TENM1: variants seen among roughly 807,000 people sequenced by gnomAD.
The protein encoded by TENM1 is teneurin transmembrane protein 1, also known as teneurin-1.
Under a neutral mutation model 174.8 loss-of-function variants are expected in TENM1, and 35 were observed. The observed-to-expected ratio is 0.20, with a 90% CI of 0.15 to 0.27. The LOEUF (loss-of-function observed/expected upper bound fraction) is 0.27. Among genes scored for constraint, TENM1 ranks in the 10% least tolerant of loss-of-function variants. The pLI, the probability that TENM1 is intolerant of heterozygous loss-of-function variation, is 1.00. For missense variants in TENM1, 1,633 were observed against 2,130.1 expected (o/e 0.77, Z 4.59); for synonymous variants, 781 against 798.7 (o/e 0.98, Z 0.37).
At chrX:124,436,240 A>G (rs2060834639) in intron 23 of TENM1, among the ~76,000 whole-genome samples, 1 of 111,378 alleles carries the variant, frequency 9.0e-6, no homozygotes, top group Admixed American at 9.5e-5. Context: ...GGGACTCGGC[A>G]ATCTACATTT....
exon 11 of TENM1, chrX:124,641,944 C>T (rs1269426491): frequency 3.4e-5 from 41 of 1,209,913 alleles, no homozygotes; most frequent in Non-Finnish European, 4.5e-5. Context: ...TGACATTCTC[C>T]TTTTACACAG....
chrX:124,997,000 C>T, the TENM1 span, among the ~76,000 whole-genome samples: 3 of 111,286 alleles, frequency 2.7e-5, no homozygotes, highest in East Asian at 2.8e-4. Flanking sequence ...CTTTAAAAGA[C>T]GGTGAAGACA....
intron 1 of TENM1, among the ~76,000 whole-genome samples, chrX:124,944,000 T>C (rs1453771286): frequency 8.9e-6 from 1 of 111,811 alleles, no homozygotes; most frequent in Non-Finnish European, 1.9e-5. Flanking sequence ...CAGTAAATGA[T>C]TGATCATTAC....
intron 22 of TENM1, among the ~76,000 whole-genome samples, chrX:124,460,407 A>G (rs1406115908): frequency 9.0e-6 from 1 of 111,487 alleles, no homozygotes; most frequent in Non-Finnish European, 1.9e-5. Flanking sequence ...CATAAAAAGG[A>G]ATGAGATCAT....
chrX:125,044,669 A>C, the TENM1 span, among the ~76,000 whole-genome samples: 1 of 111,204 alleles, frequency 9.0e-6, no homozygotes, highest in Non-Finnish European at 1.9e-5. Context: ...CAGAGACTAT[A>C]AATTCCAGGT....
intron 3 of TENM1, among the ~76,000 whole-genome samples, chrX:124,819,745 A>G (rs752859989): frequency 9.0e-6 from 1 of 110,958 alleles, no homozygotes; most frequent in South Asian, 3.9e-4. Flanking sequence ...AATTAATCTG[A>G]ATGATACTGG....
chrX:125,018,395 T>C, the TENM1 span, among the ~76,000 whole-genome samples: 1 of 111,654 alleles, frequency 9.0e-6, no homozygotes, highest in African/African-American at 3.3e-5. Context: ...ATGTTTTTTA[T>C]ACTATGTTGA....
chrX:124,471,037 C>A lies in TENM1; in HGVS notation c.3949+10695G>T, dbSNP rs185290916. Among the ~76,000 whole-genome samples the A allele has an allele frequency of 4.3e-3, 427 of 99,511 alleles. 2 individuals carry two copies. Among genetic ancestry groups the A allele is most frequent in the African/African-American group, 0.015 (401 of 27,299 alleles). 86.4% of individuals were successfully genotyped at this position (99,511 alleles called of 115,157 possible). ...AAGAGAAGAAAAGTCACTTATAATT[C>A]CTTATGCCCTTATATAGCAATTATC... On this transcript the variant is annotated intron_variant, in intron 22 of 31. Transcript: ENST00000422452.
At position 124,413,117 on chromosome X, in the gene TENM1, T is replaced by A. The variant is rs1011354502; in HGVS notation, c.4983-6628A>T. On this transcript the variant is annotated intron_variant, in intron 25 of 31. Transcript: ENST00000422452. The stretch of plus-strand genomic sequence containing the variant: ...TATACAATAAAGAAGCATAGACAGT[T>A]TTTCAAGGGGATAAAAGGATGATCC... 6.3e-5 allele frequency among the ~76,000 whole-genome samples: 7 copies of A among 111,512 alleles called. No individual in the cohort carries two copies. In the Admixed American group the frequency reaches 6.6e-4, roughly 11 times the overall value.
the TENM1 span, among the ~76,000 whole-genome samples, chrX:125,024,654 T>TAC: frequency 9.0e-6 from 1 of 111,374 alleles, no homozygotes; most frequent in Non-Finnish European, 1.9e-5. Context: ...GGGTACAGTG[T>TAC]ACACTATTCA....
the TENM1 span, among the ~76,000 whole-genome samples, chrX:125,003,876 G>A: frequency 9.0e-6 from 1 of 111,455 alleles, no homozygotes; most frequent in East Asian, 2.8e-4. Context: ...AGTGGGTCGG[G>A]CCATTGTGAC....
At chrX:124,787,112 C>T (rs1016014188) in intron 3 of TENM1, among the ~76,000 whole-genome samples, 3 of 111,464 alleles carry the variant, frequency 2.7e-5, no homozygotes, top group Non-Finnish European at 5.7e-5. Flanking sequence ...CAACACAACT[C>T]TCAAAGTATT....
exon 25 of TENM1, chrX:124,420,595 C>T: frequency 1.6e-6 from 2 of 1,212,142 alleles, no homozygotes; most frequent in South Asian, 1.8e-5. Context: ...CCCTTGTTAT[C>T]AAGTTCAGGG....
chrX:125,051,849 C>G, the TENM1 span, among the ~76,000 whole-genome samples: 3 of 104,551 alleles, frequency 2.9e-5, no homozygotes, highest in Admixed American at 1.0e-4. Context: ...CAAATGGGAT[C>G]TAATTAAACT....
chrX:124,738,945 T>C (rs2148555111), intron 3 of TENM1, among the ~76,000 whole-genome samples: 1 of 112,568 alleles, frequency 8.9e-6, no homozygotes, highest in African/African-American at 3.2e-5. Flanking sequence ...CAGATCTCTG[T>C]AATATGAGTT....
chrX:124,739,967 T>G (rs2053762734), intron 3 of TENM1, among the ~76,000 whole-genome samples: 2 of 111,578 alleles, frequency 1.8e-5, no homozygotes, highest in African/African-American at 3.3e-5. Flanking sequence ...GAGAAGTAGG[T>G]TTTCCCCTTG....
intron 23 of TENM1, among the ~76,000 whole-genome samples, chrX:124,438,509 G>A (rs911223240): frequency 1.2e-4 from 13 of 111,649 alleles, no homozygotes; most frequent in African/African-American, 3.3e-5. Context: ...CCTGAACTTT[G>A]AAGATGCTTT....
In TENM1 at chrX:124,918,290, C is replaced by T. The variant is rs777055965; in HGVS notation, c.218-22049G>A. ...CGCCTCCCAGGTTCAAGCGATTCTC[C>T]AGCTTCAGCCTCCAGAGTAGCTGGG... is the stretch of plus-strand genomic sequence containing the variant. On this transcript the variant is annotated intron_variant, in intron 1 of 31. Transcript: ENST00000422452. Among the ~76,000 whole-genome samples, 6 of 110,126 alleles carry T rather than the reference C, an allele frequency of 5.4e-5. No homozygotes were observed. In the East Asian group the frequency reaches 1.4e-3, roughly 26 times the overall value.
At chrX:125,080,877 C>T in the TENM1 span, among the ~76,000 whole-genome samples, 1 of 110,955 alleles carries the variant, frequency 9.0e-6, no homozygotes. Flanking sequence ...GTATCCCGGG[C>T]TCTTATCATT....
Sources: gnomAD v4.1 joint callset for allele counts (sites outside exome capture counted in the v4.1 genomes callset) on GRCh38, gnomAD v4.1.1 for gene constraint, MANE v1.5 for transcripts, NCBI Gene and HGNC (gene_info 2026-07-23, HGNC 2026-07-21) for gene names.